Variants in AGBL4 observed in about 807,000 individuals in gnomAD.
AGBL4 encodes the protein cytosolic carboxypeptidase 6.
Under a neutral mutation model 66.4 loss-of-function variants are expected in AGBL4, and 58 were observed. The observed-to-expected ratio is 0.87, with a 90% CI of 0.71 to 1.09. AGBL4 has a LOEUF of 1.09. Among genes scored for constraint, AGBL4 ranks in the 50% least tolerant of loss-of-function variants. The pLI is 0.00. For missense variants in AGBL4, 579 were observed against 631.0 expected (o/e 0.92, Z 0.88); for synonymous variants, 234 against 222.9 (o/e 1.05, Z -0.44).
chr1:49,820,708 C>T (rs1645347538), intron 2 of AGBL4, among the ~76,000 whole-genome samples: 1 of 152,094 alleles, frequency 6.6e-6, no homozygotes, highest in Admixed American at 6.6e-5. Flanking sequence ...TTAGCTTGTA[C>T]TTCAACTTGG....
chr1:49,955,694 A>T (rs958643302), intron 1 of AGBL4, among the ~76,000 whole-genome samples: 2 of 151,902 alleles, frequency 1.3e-5, no homozygotes, highest in African/African-American at 4.8e-5. Context: ...GCCTAAGGGC[A>T]ATTCTGGGTA....
rs377128505 is a variant in AGBL4, at chr1:49,017,544, G to A, written c.594+28040C>T. 2.6e-5 allele frequency among the ~76,000 whole-genome samples: 4 copies of A among 152,198 alleles called. No individual in the cohort carries two copies. In the East Asian group the frequency reaches 7.7e-4, roughly 29 times the overall value. ...TTTGAGCCCCTGAATACATGCAAAA[G>A]ATACAAAGTTCCCATCCATCTCTAT... On this transcript the variant is annotated intron_variant, in intron 5 of 13. Coordinates refer to ENST00000371839, the MANE Select transcript of AGBL4 (RefSeq NM_032785.4).
At chr1:48,622,056 G>A (rs1215572946) in intron 9 of AGBL4, among the ~76,000 whole-genome samples, 1 of 151,426 alleles carries the variant, frequency 6.6e-6, no homozygotes, top group African/African-American at 2.5e-5. Context: ...GTAGCCCACA[G>A]GGCTCTCTAT....
chr1:48,671,924 T>C (rs945125823), intron 6 of AGBL4, among the ~76,000 whole-genome samples: 1 of 152,224 alleles, frequency 6.6e-6, no homozygotes, highest in Non-Finnish European at 1.5e-5. Context: ...AATCCACCAC[T>C]GGCAGACCCC....
chr1:48,921,694 CTCTATTT>C (rs1654093299), intron 5 of AGBL4, among the ~76,000 whole-genome samples: 2 of 152,158 alleles, frequency 1.3e-5, no homozygotes, highest in African/African-American at 2.4e-5. Context: ...GTCCCTTAAT[CTCTATTT>C]TATAGAGGAG....
At chr1:49,939,023 T>C (rs982984612) in intron 1 of AGBL4, among the ~76,000 whole-genome samples, 14 of 152,132 alleles carry the variant, frequency 9.2e-5, no homozygotes, top group Non-Finnish European at 1.6e-4. Flanking sequence ...ACAAAATCAA[T>C]GTACAAAAAT....
chr1:49,146,416 T>C (rs1557678825), intron 4 of AGBL4, among the ~76,000 whole-genome samples: 1 of 151,822 alleles, frequency 6.6e-6, no homozygotes, highest in Non-Finnish European at 1.5e-5. Context: ...ATAAAAAAAT[T>C]AAAACCATAA....
In AGBL4 at chr1:48,972,286, G is replaced by A. The variant is rs538635857; in HGVS notation, c.594+73298C>T. Among the ~76,000 whole-genome samples, 15 of 152,168 alleles carry A rather than the reference G, an allele frequency of 9.9e-5. No individual in the cohort carries two copies. The South Asian group carries it at 2.3e-3, about 23-fold the overall frequency. ...TGGGGGATATGGACTTAGTCCATCCGTATCTTCTCATACAGTAATTATAAG... is the reference window on the plus strand; with the variant it reads ...TGGGGGATATGGACTTAGTCCATCCATATCTTCTCATACAGTAATTATAAG... On this transcript the variant is annotated intron_variant, in intron 5 of 13. Coordinates refer to ENST00000371839, the MANE Select transcript of AGBL4 (RefSeq NM_032785.4).
At chr1:49,399,512 G>T (rs987766277) in intron 3 of AGBL4, among the ~76,000 whole-genome samples, 1 of 152,010 alleles carries the variant, frequency 6.6e-6, no homozygotes, top group African/African-American at 2.4e-5. Context: ...ATTTGTTATT[G>T]CTTGTCTTGT....
intron 1 of AGBL4, among the ~76,000 whole-genome samples, chr1:49,884,458 A>G (rs1278251921): frequency 3.3e-5 from 5 of 151,944 alleles, no homozygotes; most frequent in African/African-American, 1.2e-4. Context: ...ATTCAGTTCT[A>G]TAAAGTATAA....
chr1:49,213,849 C>G (rs1270676336), intron 4 of AGBL4, among the ~76,000 whole-genome samples: 1 of 152,024 alleles, frequency 6.6e-6, no homozygotes, highest in Non-Finnish European at 1.5e-5. Flanking sequence ...GCTCTGCATC[C>G]TGAGGTATTC....
At chr1:49,582,124 A>G (rs752451759) in intron 3 of AGBL4, among the ~76,000 whole-genome samples, 9 of 152,200 alleles carry the variant, frequency 5.9e-5, no homozygotes, top group Non-Finnish European at 1.3e-4. Context: ...GGGATGGGCT[A>G]CAAATCTCTC....
At chr1:49,409,149 G>GTT (rs1553197342) in intron 3 of AGBL4, among the ~76,000 whole-genome samples, 5 of 146,068 alleles carry the variant, frequency 3.4e-5, no homozygotes, top group African/African-American at 1.3e-4. Flanking sequence ...ACTCTCTCTG[G>GTT]CTCTCTCTCT....
chr1:49,469,043 A>G (rs1438541801), intron 3 of AGBL4, among the ~76,000 whole-genome samples: 1 of 151,826 alleles, frequency 6.6e-6, no homozygotes, highest in Admixed American at 6.6e-5. Context: ...AGCTGGGTAC[A>G]CACAATTACC....
At chr1:49,958,269 C>T (rs894866958) in intron 1 of AGBL4, among the ~76,000 whole-genome samples, 4 of 152,038 alleles carry the variant, frequency 2.6e-5, no homozygotes, top group Admixed American at 2.6e-4. Flanking sequence ...GTAACCTGAC[C>T]TTTCTCTCTG....
At chr1:48,868,982 A>C (rs566182239) in intron 5 of AGBL4, among the ~76,000 whole-genome samples, 1 of 152,178 alleles carries the variant, frequency 6.6e-6, no homozygotes, top group South Asian at 2.1e-4. Context: ...TTTGTCCTTT[A>C]CTCATAAGAC....
At chr1:48,672,449 A>G (rs895063461) in intron 6 of AGBL4, among the ~76,000 whole-genome samples, 5 of 152,152 alleles carry the variant, frequency 3.3e-5, no homozygotes, top group Non-Finnish European at 4.4e-5. Context: ...GCCTGATGTC[A>G]CTCGAGGAGC....
At chr1:48,796,936 C>T (rs546035145) in intron 6 of AGBL4, among the ~76,000 whole-genome samples, 1 of 152,260 alleles carries the variant, frequency 6.6e-6, no homozygotes, top group African/African-American at 2.4e-5. Context: ...AAAACAGCAG[C>T]CTACTCTGAC....
chr1:49,743,845 A>T (rs1650763274), intron 2 of AGBL4, among the ~76,000 whole-genome samples: 1 of 146,488 alleles, frequency 6.8e-6, no homozygotes, highest in Non-Finnish European at 1.5e-5. Flanking sequence ...ATAGGTAGGA[A>T]CTGAACAATG....
Sources: allele counts gnomAD v4.1 joint callset (sites outside exome capture counted in the v4.1 genomes callset), GRCh38; gene constraint gnomAD v4.1.1; transcripts MANE v1.5; gene names NCBI Gene and HGNC (gene_info 2026-07-23, HGNC 2026-07-21).